The following PTPN20 variants were observed in gnomAD, a reference collection of about 807,000 sequenced individuals.
The protein encoded by PTPN20 is protein tyrosine phosphatase non-receptor type 20, also known as tyrosine-protein phosphatase non-receptor type 20.
Under a neutral mutation model 35.0 loss-of-function variants are expected in PTPN20, and 9 were observed. That is an observed-to-expected ratio of 0.26 (90% CI 0.15 to 0.45). The LOEUF (loss-of-function observed/expected upper bound fraction) is 0.45, where lower values mean the gene tolerates loss of function less well. Ranked by LOEUF, PTPN20 falls within the 20% of genes least tolerant of loss-of-function variation. The pLI is 1.00. For synonymous variants in PTPN20, 32 were observed against 100.2 expected (o/e 0.32, Z 4.06); for missense variants, 111 against 312.5 (o/e 0.36, Z 4.86).
At chr10:46,951,516 G>T (rs1280985768) in intron 5 of PTPN20, among the ~76,000 whole-genome samples, 1 of 152,200 alleles carries the variant, frequency 6.6e-6, no homozygotes, top group Admixed American at 6.5e-5. Flanking sequence ...GTTTAAAAAG[G>T]TCTTCTTTAC....
intron 7 of PTPN20, among the ~76,000 whole-genome samples, chr10:46,979,237 A>C (rs2054608631): frequency 8.2e-6 from 1 of 122,190 alleles, no homozygotes; most frequent in Non-Finnish European, 1.7e-5. Flanking sequence ...CAGGAGACCC[A>C]AAACATCACT....
At chr10:46,923,319 A>G (rs2036005707) in intron 1 of PTPN20, among the ~76,000 whole-genome samples, 1 of 145,996 alleles carries the variant, frequency 6.8e-6, no homozygotes, top group Admixed American at 6.7e-5. Flanking sequence ...AGTTTGTGGT[A>G]CCATGTTATA....
chr10:46,925,687 A>G (rs868961961), intron 1 of PTPN20, among the ~76,000 whole-genome samples: 1,627 of 150,918 alleles, frequency 0.011, 37 homozygotes, highest in Middle Eastern at 0.024. Context: ...TTCTCTGTTC[A>G]TGGCAGGGCT....
chr10:46,950,896 T>G, intron 5 of PTPN20, among the ~76,000 whole-genome samples: 1 of 151,746 alleles, frequency 6.6e-6, no homozygotes, highest in South Asian at 2.1e-4. Context: ...TTAAACTATA[T>G]TATTATATAG....
intron 2 of PTPN20, among the ~76,000 whole-genome samples, chr10:46,939,785 G>A (rs1177123279): frequency 2.7e-5 from 4 of 148,498 alleles, no homozygotes; most frequent in African/African-American, 1.0e-4. Context: ...TCCCTTCATT[G>A]ATATTTCTTA....
intron 9 of PTPN20, among the ~76,000 whole-genome samples, chr10:46,988,812 G>A (rs1392971421): frequency 6.7e-6 from 1 of 150,114 alleles, no homozygotes; most frequent in South Asian, 2.1e-4. Flanking sequence ...CCTCATAGAA[G>A]TCTTTTACTT....
chr10:46,994,322 C>CTTTTTTTTTTTTTT (rs36049729), intron 9 of PTPN20, among the ~76,000 whole-genome samples: 2 of 66,320 alleles, frequency 3.0e-5, no homozygotes, highest in Non-Finnish European at 2.6e-5. Flanking sequence ...CTCTGATGCT[C>CTTTTTTTTTTTTTT]TTTTTTTTTT....
intron 1 of PTPN20, among the ~76,000 whole-genome samples, chr10:46,925,572 T>C (rs1194156611): frequency 6.8e-6 from 1 of 147,450 alleles, no homozygotes; most frequent in Non-Finnish European, 1.5e-5. Flanking sequence ...TTCAAACCAT[T>C]AAATGATGAG....
At chr10:46,949,419 C>T (rs1380232066) in intron 5 of PTPN20, among the ~76,000 whole-genome samples, 2 of 152,216 alleles carry the variant, frequency 1.3e-5, no homozygotes, top group East Asian at 3.8e-4. Context: ...ATCTCTTTCT[C>T]CCTTGAACTG....
intron 2 of PTPN20, among the ~76,000 whole-genome samples, chr10:46,935,486 C>G (rs1555124786): frequency 7.8e-6 from 1 of 128,026 alleles, no homozygotes; most frequent in Non-Finnish European, 1.6e-5. Context: ...CGTGTGCCAC[C>G]ATGCCCGGCT....
At chr10:46,994,322 CTTTTTTTTTT>C (rs36049729) in intron 9 of PTPN20, among the ~76,000 whole-genome samples, 1 of 66,320 alleles carries the variant, frequency 1.5e-5, no homozygotes, top group African/African-American at 6.3e-5. Flanking sequence ...CTCTGATGCT[CTTTTTTTTTT>C]TTTTTTTTTT....
chr10:46,975,851 G>A (rs1277660234), intron 7 of PTPN20, among the ~76,000 whole-genome samples: 10 of 150,502 alleles, frequency 6.6e-5, no homozygotes, highest in Non-Finnish European at 1.5e-4. Context: ...AGTAGAGATG[G>A]GTTTTCTCCA....
chr10:46,957,586 C>T (rs1565524000), intron 5 of PTPN20, among the ~76,000 whole-genome samples: 1 of 151,992 alleles, frequency 6.6e-6, no homozygotes, highest in South Asian at 2.1e-4. Context: ...CAAAAATTAG[C>T]CAGACGTGGT....
intron 1 of PTPN20, among the ~76,000 whole-genome samples, chr10:46,919,073 G>A (rs1351774001): frequency 2.4e-4 from 35 of 145,140 alleles, no homozygotes; most frequent in African/African-American, 8.7e-4. Context: ...ATTTTTTAAA[G>A]TCTATGTTGT....
chr10:46,940,765 A>T (rs1434122342), intron 3 of PTPN20, 48 bp downstream of exon 3: 18 of 1,461,290 alleles, frequency 1.2e-5, no homozygotes, highest in Admixed American at 3.4e-5. Flanking sequence ...CTAATACCTA[A>T]ATTGCTGACT....
At chr10:46,926,817 A>G (rs1436430972) in intron 1 of PTPN20, among the ~76,000 whole-genome samples, 18 of 151,724 alleles carry the variant, frequency 1.2e-4, no homozygotes, top group East Asian at 1.9e-4. Context: ...ATAACAAGGT[A>G]TGGAAACTTG....
At chr10:46,948,706 T>C in intron 5 of PTPN20, among the ~76,000 whole-genome samples, 1 of 152,054 alleles carries the variant, frequency 6.6e-6, no homozygotes, top group Non-Finnish European at 1.5e-5. Flanking sequence ...AGAAGGGCTT[T>C]CTTTCCTTCT....
At chr10:46,959,622 G>T (rs1589622010) in intron 5 of PTPN20, among the ~76,000 whole-genome samples, 3 of 118,852 alleles carry the variant, frequency 2.5e-5, no homozygotes, top group African/African-American at 7.1e-5. Flanking sequence ...CTTTTGTAAT[G>T]AAATATTTAA....
intron 5 of PTPN20, among the ~76,000 whole-genome samples, chr10:46,954,893 T>C (rs2135123101): frequency 6.6e-6 from 1 of 151,636 alleles, no homozygotes; most frequent in African/African-American, 2.4e-5. Flanking sequence ...ATCTACAAAT[T>C]CAACCAACTA....
Sources: gnomAD v4.1 joint callset for allele counts (sites outside exome capture counted in the v4.1 genomes callset) on GRCh38, gnomAD v4.1.1 for gene constraint, MANE v1.5 for transcripts, NCBI Gene and HGNC (gene_info 2026-07-23, HGNC 2026-07-21) for gene names.